Variants in CCDC18 observed in about 807,000 individuals in gnomAD.
CCDC18 encodes the protein coiled-coil domain containing 18.
In CCDC18, 157 loss-of-function variants were observed where a neutral mutation model predicts 196.0. The ratio of observed to expected loss-of-function variants is 0.80; its 90% CI spans 0.70 to 0.91. The LOEUF is 0.91. Among genes scored for constraint, CCDC18 ranks in the 40% least tolerant of loss-of-function variants. The pLI, the probability that CCDC18 is intolerant of heterozygous loss-of-function variation, is 0.00. For missense variants in CCDC18, 1,465 were observed against 1,611.6 expected (o/e 0.91, Z 1.56); for synonymous variants, 482 against 529.2 (o/e 0.91, Z 1.22).
At chr1:93,225,190 G>A (rs931653393) in intron 16 of CCDC18, among the ~76,000 whole-genome samples, 8 of 152,152 alleles carry the variant, frequency 5.3e-5, no homozygotes, top group African/African-American at 1.9e-4. Context: ...TTAAGAGGAA[G>A]AACACCATTG....
chr1:93,225,278 A>G (rs913807472), intron 16 of CCDC18, among the ~76,000 whole-genome samples: 3 of 152,234 alleles, frequency 2.0e-5, no homozygotes, highest in African/African-American at 7.2e-5. Flanking sequence ...CATGTATGCA[A>G]TATGTGCGCC....
At chr1:93,238,966 CTTAT>C (rs955968406) in intron 19 of CCDC18, among the ~76,000 whole-genome samples, 1 of 152,104 alleles carries the variant, frequency 6.6e-6, no homozygotes, top group Non-Finnish European at 1.5e-5. Flanking sequence ...GATTGTTTGG[CTTAT>C]TTATTTTCTT....
intron 18 of CCDC18, among the ~76,000 whole-genome samples, chr1:93,233,764 A>C (rs540814855): frequency 1.3e-5 from 2 of 152,198 alleles, no homozygotes; most frequent in East Asian, 3.9e-4. Context: ...ACACCCAGCT[A>C]ATTTTGTATT....
chr1:93,244,683 G>A (rs77773261), intron 21 of CCDC18, among the ~76,000 whole-genome samples: 2,305 of 152,216 alleles, frequency 0.015, 28 homozygotes, highest in Non-Finnish European at 0.023. Flanking sequence ...CTTCTGAACT[G>A]TGCACTTTAA....
intron 23 of CCDC18, among the ~76,000 whole-genome samples, chr1:93,252,629 A>G (rs186737654): frequency 6.6e-6 from 1 of 152,268 alleles, no homozygotes; most frequent in African/African-American, 2.4e-5. Flanking sequence ...CTGGTGCCTA[A>G]TATTGTTCAT....
At chr1:93,193,517 C>G in intron 5 of CCDC18, 99 bp from the exon 6 acceptor site, 2 of 721,142 alleles carry the variant, frequency 2.8e-6, no homozygotes. Context: ...TCTCTTAACT[C>G]ATTGATTTAA....
upstream of CCDC18, chr1:93,180,713 G>C (rs757544446): frequency 7.4e-7 from 1 of 1,359,860 alleles, no homozygotes. Context: ...CGTCCCAACG[G>C]CTCCCGCGGC....
rs778032884 is a variant in CCDC18 at position 93,246,892 on chromosome 1, ATAAT to A, written c.3140_3143del (p.Ile1047AsnfsTer2). The A allele has an allele frequency of 3.9e-6, 6 of 1,548,794 alleles. No individual in the cohort carries two copies. Among genetic ancestry groups the A allele is most frequent in the Middle Eastern group, 1.7e-4 (1 of 5,888 alleles). On this transcript the variant is annotated frameshift_variant, in exon 23 of 29. Coordinates refer to ENST00000690025, the MANE Select transcript of CCDC18 (RefSeq NM_001378204.1). LOFTEE classifies it high-confidence loss of function. ...GCACAGAGGAGAAATGGAACAAAAA[ATAAT>A]TAAATTAGAAGGTACTCTGGAGAAA...
intron 14 of CCDC18, among the ~76,000 whole-genome samples, chr1:93,220,383 A>G (rs187158787): frequency 3.3e-5 from 5 of 152,332 alleles, no homozygotes; most frequent in African/African-American, 9.6e-5. Context: ...AGAGAATGCT[A>G]AAGAAAGTTC....
intron 23 of CCDC18, among the ~76,000 whole-genome samples, chr1:93,252,707 G>A (rs1662430163): frequency 6.6e-6 from 1 of 152,182 alleles, no homozygotes; most frequent in African/African-American, 2.4e-5. Context: ...TGCATATTCA[G>A]GGACTGGGTA....
At chr1:93,209,037 C>T (rs1655191434) in intron 9 of CCDC18, among the ~76,000 whole-genome samples, 1 of 152,202 alleles carries the variant, frequency 6.6e-6, no homozygotes, top group Non-Finnish European at 1.5e-5. Context: ...TGGCGCACTG[C>T]AACCTCAGCC....
At chr1:93,206,457 G>A (rs1026689318) in intron 8 of CCDC18, among the ~76,000 whole-genome samples, 7 of 151,904 alleles carry the variant, frequency 4.6e-5, no homozygotes, top group East Asian at 1.9e-4. Flanking sequence ...TTCTTAAGTC[G>A]TTATTTTCAT....
rs1665161405 is a variant in CCDC18 at position 93,270,677 on chromosome 1, C to T, written c.4216C>T (p.Pro1406Ser). 1 of 1,550,218 alleles carries T rather than the reference C, an allele frequency of 6.5e-7. No homozygotes were observed. The highest frequency in any genetic ancestry group is 8.7e-7 in the Non-Finnish European group (1 of 1,146,888). ...TTACACCCAGCCAGACTCATTTAAA[C>T]CTCTCACATATAACCTAGAAGCTGA... ...LTYTQPDSFK[P>S]LTYNLEADSS... Residue 1406 changes from proline (P) to serine (S), a missense_variant, in exon 28 of 29, where the codon CCT becomes TCT. Coordinates refer to ENST00000690025, the MANE Select transcript of CCDC18 (RefSeq NM_001378204.1).
rs184041288 is a variant in CCDC18 at position 93,240,131 on chromosome 1, T to C, written c.2981+235T>C. On this transcript the variant is annotated intron_variant, in intron 21 of 28. Coordinates refer to ENST00000690025, the MANE Select transcript of CCDC18 (RefSeq NM_001378204.1). ...TACTAGCCCTAGTGGTAAAAAATCATTGGGCATGCATACAGCAGTGGCTAA... is the reference window on the plus strand; with the variant it reads ...TACTAGCCCTAGTGGTAAAAAATCACTGGGCATGCATACAGCAGTGGCTAA... Among the ~76,000 whole-genome samples the C allele has an allele frequency of 2.8e-3, 423 of 152,292 alleles. 2 individuals carry two copies. The highest frequency in any genetic ancestry group is 7.9e-3 in the African/African-American group (330 of 41,564).
chr1:93,215,357 T>G (rs190500766), intron 12 of CCDC18, among the ~76,000 whole-genome samples: 53 of 152,152 alleles, frequency 3.5e-4, no homozygotes, highest in Admixed American at 9.2e-4. Context: ...CCAAACCACC[T>G]AGGAAGCCTG....
At chr1:93,181,002 G>A in intron 1 of CCDC18, 150 bp downstream of exon 1, 1 of 711,818 alleles carries the variant, frequency 1.4e-6, no homozygotes, top group Non-Finnish European at 2.1e-6. Flanking sequence ...ATGCTGCTCT[G>A]AACGGTTGTA....
intron 12 of CCDC18, 64 bp downstream of exon 12, chr1:93,215,030 A>G (rs1460484625): frequency 9.4e-7 from 1 of 1,060,692 alleles, no homozygotes; most frequent in Non-Finnish European, 1.3e-6. Flanking sequence ...GTATTATTTT[A>G]GGGTTTTATA....
At chr1:93,195,544 C>T (rs1274006949) in intron 6 of CCDC18, among the ~76,000 whole-genome samples, 1 of 152,116 alleles carries the variant, frequency 6.6e-6, no homozygotes, top group African/African-American at 2.4e-5. Flanking sequence ...AACTTAATCC[C>T]AACGCAACAC....
At position 93,193,384 on chromosome 1, in the gene CCDC18, C is replaced by T. The variant is rs145472375; in HGVS notation, c.570-232C>T. 2.3e-3 allele frequency among the ~76,000 whole-genome samples: 356 copies of T among 152,088 alleles called. 2 individuals carry two copies. Among genetic ancestry groups the T allele is most frequent in the Middle Eastern group, 0.017 (5 of 294 alleles). On this transcript the variant is annotated intron_variant, in intron 5 of 28. Transcript: ENST00000690025. ...GCTTCTGGTATCTGACTATAAAATA[C>T]GATGTGAGTTATTACTTCAGATATA...
Sources: allele counts gnomAD v4.1 joint callset (sites outside exome capture counted in the v4.1 genomes callset), GRCh38; gene constraint gnomAD v4.1.1; transcripts MANE v1.5; gene names NCBI Gene and HGNC (gene_info 2026-07-23, HGNC 2026-07-21).